ASMTL: variants seen among roughly 807,000 people sequenced by gnomAD.
The protein encoded by ASMTL is acetylserotonin O-methyltransferase like.
ASMTL carries 57 observed loss-of-function variants against 60.3 expected under a neutral mutation model. The observed-to-expected ratio is 0.95, with a 90% CI of 0.76 to 1.18. The LOEUF (loss-of-function observed/expected upper bound fraction) is 1.18. ASMTL is among the 50% of genes most tolerant of loss of function. The pLI, the probability that ASMTL is intolerant of heterozygous loss-of-function variation, is 0.00. For synonymous variants in ASMTL, 419 were observed against 373.0 expected (o/e 1.12, Z -1.42); for missense variants, 981 against 852.6 (o/e 1.15, Z -1.88).
intron 10 of ASMTL, 69 bp downstream of exon 10, chrX:1,418,913 C>T (rs2090392761): frequency 2.5e-6 from 4 of 1,597,154 alleles, no homozygotes; most frequent in Non-Finnish European, 3.4e-6. Flanking sequence ...GGTAGGTGTC[C>T]TGAGCAGGGA....
chrX:1,415,413 A>T (rs2149282631), intron 11 of ASMTL, among the ~76,000 whole-genome samples: 1 of 151,566 alleles, frequency 6.6e-6, no homozygotes, highest in East Asian at 1.9e-4. Flanking sequence ...TGCACTGATG[A>T]TAACTTCACA....
intron 1 of ASMTL, among the ~76,000 whole-genome samples, chrX:1,452,458 T>C (rs1468273783): frequency 1.4e-5 from 2 of 142,580 alleles, no homozygotes; most frequent in South Asian, 2.3e-4. Context: ...TCCCCATTCC[T>C]AGGGGTCCCG....
rs187257264 is a variant in ASMTL, at chrX:1,412,813, C to A, written c.1564G>T (p.Val522Phe). 1.9e-6 allele frequency: 3 copies of A among 1,613,844 alleles called. No homozygotes were observed. Among genetic ancestry groups the A allele is most frequent in the Non-Finnish European group, 2.5e-6 (3 of 1,179,874 alleles). The stretch of plus-strand genomic sequence containing the variant: ...CAGTCATGCAGGATCCGGCACAGGA[C>A]GTACAGCTCAGCGCTGGGGAGGGGG... ...RDPLPSAELY[V>F]LCRILHDWPD... The change falls in exon 12 of 13, where the codon GTC (valine) becomes TTC (phenylalanine). Residue 522 changes from valine (V) to phenylalanine (F), a missense_variant. Val to Phe is a conservative substitution (Grantham distance 50). Transcript: ENST00000381317.
intron 1 of ASMTL, among the ~76,000 whole-genome samples, chrX:1,444,390 A>G (rs1308181040): frequency 6.6e-6 from 1 of 151,564 alleles, no homozygotes; most frequent in Non-Finnish European, 1.5e-5. Flanking sequence ...TGTATTTTTA[A>G]TAGAGATGGG....
chrX:1,429,136 G>C (rs1386866119), intron 6 of ASMTL, among the ~76,000 whole-genome samples: 1 of 151,008 alleles, frequency 6.6e-6, no homozygotes, highest in African/African-American at 2.4e-5. Flanking sequence ...CTCAGGTGAT[G>C]CGCCTGCCTC....
intron 4 of ASMTL, 179 bp downstream of exon 4, chrX:1,435,515 T>C: frequency 1.5e-6 from 1 of 664,438 alleles, no homozygotes; most frequent in South Asian, 1.7e-5. Flanking sequence ...TAGACAAGGA[T>C]GAGCATGGAG....
At chrX:1,424,037 T>C (rs370533913) in intron 8 of ASMTL, among the ~76,000 whole-genome samples, 17 of 142,188 alleles carry the variant, frequency 1.2e-4, no homozygotes, top group South Asian at 4.4e-4. Flanking sequence ...CATCCATCCA[T>C]CCACCCACCC....
chrX:1,416,085 T>C (rs1433270420), intron 11 of ASMTL, among the ~76,000 whole-genome samples: 1 of 104,266 alleles, frequency 9.6e-6, no homozygotes, highest in Non-Finnish European at 2.0e-5. Flanking sequence ...ATGGGCACAC[T>C]CACGCACGGA....
chrX:1,411,380 C>G (rs1259253059), intron 12 of ASMTL, among the ~76,000 whole-genome samples: 2 of 152,156 alleles, frequency 1.3e-5, no homozygotes, highest in African/African-American at 2.4e-5. Flanking sequence ...AGCAACAACG[C>G]TGAACTCTTG....
intron 6 of ASMTL, among the ~76,000 whole-genome samples, chrX:1,431,449 A>G (rs2090785639): frequency 7.4e-6 from 1 of 135,466 alleles, no homozygotes; most frequent in Non-Finnish European, 1.5e-5. Context: ...TTATAACAGT[A>G]TATATTATAA....
intron 11 of ASMTL, among the ~76,000 whole-genome samples, chrX:1,417,733 C>CGCGG (rs2090345224): frequency 6.8e-6 from 1 of 147,564 alleles, no homozygotes; most frequent in African/African-American, 2.5e-5. Flanking sequence ...CACACACACA[C>CGCGG]ACAGACATGC....
chrX:1,442,556 CA>C (rs1257641991), intron 1 of ASMTL, among the ~76,000 whole-genome samples: 20 of 151,996 alleles, frequency 1.3e-4, no homozygotes, highest in Non-Finnish European at 2.2e-4. Context: ...AGGGACTGAC[CA>C]GGGGCCTTCT....
At chrX:1,412,655 G>A (rs1183775163) in intron 12 of ASMTL, 77 bp downstream of exon 12, 64 of 1,599,568 alleles carry the variant, frequency 4.0e-5, no homozygotes, top group East Asian at 3.8e-4. Context: ...GAGCCACCGC[G>A]CCCGGCCTCC....
intron 12 of ASMTL, among the ~76,000 whole-genome samples, chrX:1,406,667 ATGGT>A (rs1330367779): frequency 6.6e-6 from 1 of 150,922 alleles, no homozygotes; most frequent in African/African-American, 2.4e-5. Context: ...ATAGTAGATG[ATGGT>A]TAAGTAGGTA....
At chrX:1,432,935 TA>T (rs1472383278) in intron 5 of ASMTL, among the ~76,000 whole-genome samples, 1 of 152,252 alleles carries the variant, frequency 6.6e-6, no homozygotes, top group East Asian at 1.9e-4. Context: ...CCGTCTCTAC[TA>T]AAAATACAAA....
rs753461753 is a variant in ASMTL at position 1,452,908 on chromosome X, T to A, written c.-68A>T. 1,887 of 1,293,076 alleles carry A rather than the reference T, an allele frequency of 1.5e-3. 7 individuals are homozygous for A. The highest frequency in any genetic ancestry group is 1.8e-3 in the South Asian group (123 of 69,416). The allele number at this position is 1,293,076 out of a possible 1,614,324, so 80.1% of individuals were successfully genotyped here. ...GAGCCCGCGGTGCGCGCAGCGCGGC[T>A]GCAAAAAAAACAGGCGGCCAGAGTC... On this transcript the variant is annotated 5_prime_UTR_variant, in exon 1 of 13. Transcript: ENST00000381317.
intron 12 of ASMTL, among the ~76,000 whole-genome samples, chrX:1,411,317 C>A (rs1289643986): frequency 6.6e-6 from 1 of 152,198 alleles, no homozygotes; most frequent in Non-Finnish European, 1.5e-5. Context: ...CAGGCCCTGG[C>A]TCTGTGAAGA....
chrX:1,435,632 G>T, intron 4 of ASMTL, 62 bp downstream of exon 4: 1 of 1,542,398 alleles, frequency 6.5e-7, no homozygotes, highest in Non-Finnish European at 9.0e-7. Context: ...CACCCGGCCA[G>T]ATACCACAGC....
At chrX:1,408,028 C>T (rs1193482776) in intron 12 of ASMTL, among the ~76,000 whole-genome samples, 1 of 147,634 alleles carries the variant, frequency 6.8e-6, no homozygotes, top group Admixed American at 6.7e-5. Context: ...CGCAAGATCC[C>T]ATCTCTACAA....
Sources: allele counts gnomAD v4.1 joint callset (sites outside exome capture counted in the v4.1 genomes callset), GRCh38; gene constraint gnomAD v4.1.1; transcripts MANE v1.5; gene names NCBI Gene and HGNC (gene_info 2026-07-23, HGNC 2026-07-21).